Variants in RASSF5 observed in about 807,000 individuals in gnomAD.
RASSF5 encodes ras association domain-containing protein 5.
A neutral mutation model predicts 40.5 loss-of-function variants in RASSF5; 25 were observed. That is an observed-to-expected ratio of 0.62 (90% CI 0.45 to 0.86). The LOEUF (loss-of-function observed/expected upper bound fraction) is 0.86, where lower values mean the gene tolerates loss of function less well. Among genes scored for constraint, RASSF5 ranks in the 40% least tolerant of loss-of-function variants. RASSF5 has a pLI of 0.00. For missense variants in RASSF5, 521 were observed against 572.8 expected (o/e 0.91, Z 0.92); for synonymous variants, 246 against 252.4 (o/e 0.97, Z 0.24).
At chr1:206,520,995 C>T (rs1666891088) in intron 1 of RASSF5, among the ~76,000 whole-genome samples, 1 of 152,096 alleles carries the variant, frequency 6.6e-6, no homozygotes, top group Non-Finnish European at 1.5e-5. Flanking sequence ...GAAGGTTGCC[C>T]AGGTAAAAGT....
intron 2 of RASSF5, among the ~76,000 whole-genome samples, chr1:206,564,906 G>A (rs781944923): frequency 7.2e-5 from 11 of 152,126 alleles, no homozygotes; most frequent in Non-Finnish European, 1.2e-4. Flanking sequence ...TGCTGAGCCT[G>A]TGGCTTCTGT....
At chr1:206,530,551 C>T (rs1245031523) in intron 1 of RASSF5, among the ~76,000 whole-genome samples, 1 of 152,170 alleles carries the variant, frequency 6.6e-6, no homozygotes, top group African/African-American at 2.4e-5. Context: ...TAAGGTAGTA[C>T]CTTCTCATTC....
chr1:206,572,703 T>A (rs1216220462), intron 2 of RASSF5: 3 of 152,136 alleles, frequency 2.0e-5, no homozygotes, highest in Non-Finnish European at 2.9e-5. Context: ...TTAATTTCTT[T>A]AAAATCATGA....
At chr1:206,509,297 G>A (rs1304478313) in intron 1 of RASSF5, among the ~76,000 whole-genome samples, 2 of 152,206 alleles carry the variant, frequency 1.3e-5, no homozygotes, top group Non-Finnish European at 2.9e-5. Flanking sequence ...GCTGCAGCTG[G>A]CTGCAGGGAA....
chr1:206,581,355 T>TG (rs1668866817), intron 2 of RASSF5, among the ~76,000 whole-genome samples: 1 of 152,096 alleles, frequency 6.6e-6, no homozygotes, highest in Non-Finnish European at 1.5e-5. Flanking sequence ...GCCAGCACTT[T>TG]GGGAGGCCAA....
chr1:206,559,319 G>A (rs11119043), intron 2 of RASSF5, among the ~76,000 whole-genome samples: 42,171 of 152,126 alleles, frequency 0.28, 6,313 homozygotes, highest in East Asian at 0.54. Context: ...TGAGATTTTT[G>A]CATAATTAGG....
intron 1 of RASSF5, among the ~76,000 whole-genome samples, chr1:206,534,300 C>A (rs572571699): frequency 1.3e-5 from 2 of 152,296 alleles, no homozygotes; most frequent in South Asian, 4.1e-4. Flanking sequence ...AGCACATTTA[C>A]TTCCCTCAAA....
chr1:206,584,429 A>G lies in RASSF5; in HGVS notation c.733A>G (p.Lys245Glu). ...CACGGGTTTCATCAAAGTGCATCTG[A>G]AACTCCGGCGGCCTGTGACGGTGCC... ...TYTGFIKVHL[K>E]LRRPVTVPAG... Residue 245 changes from lysine (K) to glutamate (E), a missense_variant, in exon 4 of 6, where the codon AAA (lysine) becomes GAA (glutamate). By Grantham distance (56) the Lys-to-Glu change is moderately conservative. Around this residue, in one of 2 missense-constraint regions of RASSF5, gnomAD observed 284 missense variants for 360.8 expected, o/e 0.79. Coordinates refer to ENST00000579436, the MANE Select transcript of RASSF5 (RefSeq NM_182663.4). The surrounding 1 kb of genome is among the most constrained non-coding windows in gnomAD (Gnocchi z 4.9). 6.2e-7 allele frequency: 1 copy of G among 1,614,100 alleles called. No homozygotes were observed. Among genetic ancestry groups the G allele is most frequent in the Non-Finnish European group, 8.5e-7 (1 of 1,179,986 alleles).
chr1:206,508,714 T>C (rs904968599), intron 1 of RASSF5, among the ~76,000 whole-genome samples: 4 of 152,078 alleles, frequency 2.6e-5, no homozygotes, highest in Admixed American at 1.3e-4. Context: ...AATGTTTGGC[T>C]GTGCCCTGCC....
chr1:206,572,397 T>C (rs10863711), intron 2 of RASSF5, among the ~76,000 whole-genome samples: 83,890 of 151,868 alleles, frequency 0.55, 23,400 homozygotes, highest in Middle Eastern at 0.68. Flanking sequence ...CCTCCAGAAT[T>C]GAGTACATGG....
In RASSF5 at chr1:206,583,429, G is replaced by A. The variant is rs369160290; in HGVS notation, c.690+50G>A. ...TGGCCCCTGCTCCACCACCCGCTTCGGGTTTGGCGCCTCTGCCCTCACTCT... is the reference window on the plus strand; with the variant it reads ...TGGCCCCTGCTCCACCACCCGCTTCAGGTTTGGCGCCTCTGCCCTCACTCT... On this transcript the variant is annotated intron_variant, in intron 3 of 5. Transcript: ENST00000579436. 2.8e-4 allele frequency: 360 copies of A among 1,294,942 alleles called. 1 individual carries two copies. Among genetic ancestry groups the A allele is most frequent in the Non-Finnish European group, 3.5e-4 (308 of 891,104 alleles). 80.2% of individuals were successfully genotyped at this position (1,294,942 alleles called of 1,614,324 possible). A position where few individuals can be genotyped will look rare whatever the true frequency, so the allele number is the denominator to read the frequency against.
At chr1:206,541,433 A>G (rs1553399355) in intron 2 of RASSF5, among the ~76,000 whole-genome samples, 1 of 152,144 alleles carries the variant, frequency 6.6e-6, no homozygotes, top group Admixed American at 6.5e-5. Context: ...CAGGTGTGGA[A>G]GCGGGCAGGA....
At chr1:206,553,479 C>T (rs1435624261) in intron 2 of RASSF5, among the ~76,000 whole-genome samples, 3 of 151,998 alleles carry the variant, frequency 2.0e-5, no homozygotes, top group South Asian at 2.1e-4. Context: ...GGAAATACTA[C>T]GGGAGGAAAA....
chr1:206,580,296 AGCTT>A (rs1348263641), intron 2 of RASSF5, among the ~76,000 whole-genome samples: 6 of 152,238 alleles, frequency 3.9e-5, no homozygotes, highest in Non-Finnish European at 7.3e-5. Flanking sequence ...AAATGGCTCT[AGCTT>A]GATTGGAAAC....
In RASSF5 at chr1:206,584,319, C is replaced by G. The variant is rs1553406989; in HGVS notation, c.691-68C>G. The G allele has an allele frequency of 6.1e-6, 9 of 1,486,914 alleles. No homozygotes were observed. The highest frequency in any genetic ancestry group is 1.4e-5 in the African/African-American group (1 of 71,712). The allele number at this position is 1,486,914 out of a possible 1,614,324, so 92.1% of individuals were successfully genotyped here. A position where few individuals can be genotyped will look rare whatever the true frequency, so the allele number is the denominator to read the frequency against. ...AGGTGGGTGCTGCTGGGGCAATGGCCCCGAGTGGCAGATATGATCATGCAA... is the reference window on the plus strand; with the variant it reads ...AGGTGGGTGCTGCTGGGGCAATGGCGCCGAGTGGCAGATATGATCATGCAA... On this transcript the variant is annotated intron_variant, in intron 3 of 5. Transcript: ENST00000579436. This position sits in a 1 kb window ranked among gnomAD's most constrained non-coding sequence, Gnocchi z 4.9.
In RASSF5 at chr1:206,587,049, C is replaced by T. The variant is rs782152765; in HGVS notation, c.*71C>T. ...TTATTAATTATTATTTTGCAACAGACACTTTTTCTCAGGACATCTCTGGCA... is the reference window on the plus strand; with the variant it reads ...TTATTAATTATTATTTTGCAACAGATACTTTTTCTCAGGACATCTCTGGCA... On this transcript the variant is annotated 3_prime_UTR_variant, in exon 6 of 6. Transcript: ENST00000579436. 5 of 1,556,800 alleles carry T rather than the reference C, an allele frequency of 3.2e-6. No homozygotes were observed. The African/African-American group carries it at 5.5e-5, about 17-fold the overall frequency.
At chr1:206,583,865 G>A (rs571912231) in intron 3 of RASSF5, among the ~76,000 whole-genome samples, 3 of 152,320 alleles carry the variant, frequency 2.0e-5, no homozygotes, top group South Asian at 2.1e-4. Flanking sequence ...CCCTGCTGGT[G>A]GCTGGCATCA....
intron 2 of RASSF5, chr1:206,542,159 G>C (rs1231384135): frequency 1.3e-5 from 2 of 152,276 alleles, no homozygotes; most frequent in African/African-American, 4.8e-5. Flanking sequence ...TGACCCTCTA[G>C]AGTCCCTGAT....
chr1:206,549,877 T>C (rs1553400822), intron 2 of RASSF5, among the ~76,000 whole-genome samples: 3 of 152,194 alleles, frequency 2.0e-5, no homozygotes, highest in African/African-American at 7.2e-5. Context: ...CTGTAATCCT[T>C]TTGGGCGGTT....
Sources: allele counts gnomAD v4.1 joint callset (sites outside exome capture counted in the v4.1 genomes callset), GRCh38; gene constraint gnomAD v4.1.1; regional missense constraint gnomAD v4.1.1; non-coding constraint Gnocchi (gnomAD v3.1); transcripts MANE v1.5; gene names NCBI Gene and HGNC (gene_info 2026-07-23, HGNC 2026-07-21).